MAP7: variants seen among roughly 807,000 people sequenced by gnomAD.
MAP7 encodes microtubule associated protein 7.
MAP7 carries 52 observed loss-of-function variants against 94.8 expected under a neutral mutation model. That is an observed-to-expected ratio of 0.55 (90% confidence interval 0.44 to 0.69). The LOEUF is 0.69. MAP7 is among the 30% of genes least tolerant of loss of function. The pLI is 0.00. For missense variants in MAP7, 940 were observed against 964.6 expected, an observed-to-expected ratio of 0.97 and a Z score of 0.34; for synonymous variants, 350 against 357.0, an observed-to-expected ratio of 0.98 and a Z score of 0.22.
At chr6:136,531,945 A>C (rs532397951) in intron 1 of MAP7, among the ~76,000 whole-genome samples, 15 of 152,314 alleles carry the variant, frequency 9.8e-5, no homozygotes, top group Admixed American at 8.5e-4. Context: ...CTCAGGTCCA[A>C]AATGATCTCA....
rs527529168 is a variant in MAP7, at chr6:136,426,681, C to T, written c.68-4882G>A. On this transcript the variant is annotated intron_variant, in intron 1 of 17. Coordinates refer to ENST00000354570, the MANE Select transcript of MAP7 (RefSeq NM_003980.6). ...GAGCAAAACTACCAAGGCAAAGAGGCAGGAGAGACAATCAGGACTGTCTGG... is the reference window on the plus strand; with the variant it reads ...GAGCAAAACTACCAAGGCAAAGAGGTAGGAGAGACAATCAGGACTGTCTGG... Among the ~76,000 whole-genome samples the T allele has an allele frequency of 2.6e-5, 4 of 152,252 alleles. No individual in the cohort carries two copies. The South Asian group carries it at 8.3e-4, about 32-fold the overall frequency.
intron 1 of MAP7, among the ~76,000 whole-genome samples, chr6:136,431,793 C>G (rs912658429): frequency 5.3e-5 from 8 of 152,180 alleles, no homozygotes; most frequent in Non-Finnish European, 1.2e-4. Context: ...GATGGGATTA[C>G]AGGCGTGAGC....
At chr6:136,495,804 C>T (rs995828001) in intron 1 of MAP7, among the ~76,000 whole-genome samples, 1 of 152,138 alleles carries the variant, frequency 6.6e-6, no homozygotes, top group Non-Finnish European at 1.5e-5. Context: ...AGGGAAATAA[C>T]ATTTTCAAGT....
At chr6:136,390,189 A>G (rs1243166889) in intron 3 of MAP7, among the ~76,000 whole-genome samples, 2 of 152,224 alleles carry the variant, frequency 1.3e-5, no homozygotes, top group African/African-American at 4.8e-5. Flanking sequence ...CATTTTAGGA[A>G]AAGATATGCC....
intron 7 of MAP7, among the ~76,000 whole-genome samples, chr6:136,376,208 C>T (rs551335811): frequency 5.9e-5 from 9 of 152,252 alleles, no homozygotes; most frequent in African/African-American, 1.4e-4. Flanking sequence ...ATGCCATTCT[C>T]CTGCCTCAGC....
Position 136,388,386 on chromosome 6 carries a change from T to G in MAP7, c.526+7A>C, listed in dbSNP as rs1310957694. 1 of 1,604,532 alleles carries G rather than the reference T, an allele frequency of 6.2e-7. No homozygotes were observed. Among genetic ancestry groups the G allele is most frequent in the African/African-American group, 1.3e-5 (1 of 74,840 alleles). On this transcript the variant is annotated splice_region_variant and intron_variant, in intron 5 of 17. Transcript: ENST00000354570. ...AAAGACTAATTTTCAAAGTGGTCAC[T>G]GTTTACCTGCACTGTGGATGCTAGG... is the stretch of plus-strand genomic sequence containing the variant.
intron 6 of MAP7, among the ~76,000 whole-genome samples, chr6:136,381,521 T>C (rs1254154658): frequency 2.0e-5 from 3 of 152,080 alleles, no homozygotes; most frequent in Non-Finnish European, 4.4e-5. Flanking sequence ...AGAAGAAGTT[T>C]TAAAATTCTC....
At chr6:136,361,673 A>G (rs1374417861) in intron 11 of MAP7, among the ~76,000 whole-genome samples, 1 of 152,246 alleles carries the variant, frequency 6.6e-6, no homozygotes, top group African/African-American at 2.4e-5. Context: ...CCCAGGGTAC[A>G]GTTGTGTTCG....
chr6:136,383,498 C>G (rs570840080), intron 6 of MAP7, among the ~76,000 whole-genome samples, 173 bp downstream of exon 6: 1 of 152,290 alleles, frequency 6.6e-6, no homozygotes, highest in Non-Finnish European at 1.5e-5. Flanking sequence ...ATGTTCTTGT[C>G]GCAAGGAAAA....
rs1042644613 is a variant in MAP7 at position 136,496,778 on chromosome 6, A to T, written c.67+53564T>A. On this transcript the variant is annotated intron_variant, in intron 1 of 17. Transcript: ENST00000354570. ...AACAAGGTGAAACCCCGTCTCTACT[A>T]AAAAAAAAAAAAAAAAAAAAAAAAA... is the stretch of plus-strand genomic sequence containing the variant. 7.5e-5 allele frequency among the ~76,000 whole-genome samples: 5 copies of T among 66,898 alleles called. No homozygotes were observed. In the East Asian group the frequency reaches 1.8e-3, roughly 24 times the overall value. The allele number at this position is 66,898 out of a possible 152,430, so 43.9% of individuals were successfully genotyped here. A position where few individuals can be genotyped will look rare whatever the true frequency, so the allele number is the denominator to read the frequency against.
chr6:136,397,221 T>C (rs1253948369), intron 3 of MAP7, among the ~76,000 whole-genome samples: 2 of 152,112 alleles, frequency 1.3e-5, no homozygotes, highest in Non-Finnish European at 2.9e-5. Context: ...AGTATTTCAA[T>C]ATTTTAATAA....
chr6:136,460,133 T>G (rs1292852787), intron 1 of MAP7, among the ~76,000 whole-genome samples: 1 of 151,992 alleles, frequency 6.6e-6, no homozygotes, highest in Non-Finnish European at 1.5e-5. Context: ...TAAAGTAACA[T>G]GTGTAACTGT....
rs1015387430 is a variant in MAP7, at chr6:136,550,168, G to T, written c.67+174C>A. 6.6e-6 allele frequency among the ~76,000 whole-genome samples: 1 copy of T among 150,712 alleles called. No individual in the cohort carries two copies. Among genetic ancestry groups the T allele is most frequent in the East Asian group, 2.0e-4 (1 of 5,118 alleles). ...TGGCCGAGCCGCGGCGGCGAAGGGC[G>T]GGGGAAGGCGCTCTCGGAGCAGGGT... On this transcript the variant is annotated intron_variant, in intron 1 of 17. Transcript: ENST00000354570. This position sits in a 1 kb window ranked among gnomAD's most constrained non-coding sequence, Gnocchi z 5.1.
chr6:136,391,555 AAACAACAACAACAAC>A (rs58864802), intron 3 of MAP7, among the ~76,000 whole-genome samples: 38 of 149,642 alleles, frequency 2.5e-4, no homozygotes, highest in African/African-American at 9.1e-4. Flanking sequence ...GTATAATAAA[AAACAACAACAACAAC>A]AACAACAACA....
At chr6:136,518,585 T>C (rs752580742) in intron 1 of MAP7, among the ~76,000 whole-genome samples, 5 of 152,152 alleles carry the variant, frequency 3.3e-5, no homozygotes, top group African/African-American at 4.8e-5. Context: ...CAACATAAAG[T>C]GGGCTTTTCC....
At chr6:136,462,984 C>A (rs1231362202) in intron 1 of MAP7, among the ~76,000 whole-genome samples, 2 of 150,570 alleles carry the variant, frequency 1.3e-5, no homozygotes, top group African/African-American at 2.4e-5. Context: ...AACAAAAAAC[C>A]CTTTAATTTT....
rs191777787 is a variant in MAP7, at chr6:136,479,847, G to A, written c.68-58048C>T. ...AAAACACTGATGCCAGAAATCGAAG[G>A]GGACACACAAAAAAAGAAAGATTGG... On this transcript the variant is annotated intron_variant, in intron 1 of 17. Transcript: ENST00000354570. Among the ~76,000 whole-genome samples, 19 of 151,890 alleles carry A rather than the reference G, an allele frequency of 1.3e-4. No homozygotes were observed. The East Asian group carries it at 2.5e-3, about 20-fold the overall frequency.
intron 6 of MAP7, among the ~76,000 whole-genome samples, chr6:136,383,441 T>A (rs1320737544): frequency 6.6e-6 from 1 of 152,238 alleles, no homozygotes; most frequent in Non-Finnish European, 1.5e-5. Context: ...AAGCACCGCT[T>A]TCGTCACTGC....
chr6:136,411,556 A>C, intron 3 of MAP7, 64 bp downstream of exon 3: 1 of 1,399,450 alleles, frequency 7.1e-7, no homozygotes, highest in Non-Finnish European at 9.8e-7. Context: ...AAGGTATGCA[A>C]AAGACCACGG....
Sources: allele counts gnomAD v4.1 joint callset (sites outside exome capture counted in the v4.1 genomes callset), GRCh38; gene constraint gnomAD v4.1.1; non-coding constraint Gnocchi (gnomAD v3.1); transcripts MANE v1.5; gene names NCBI Gene and HGNC (gene_info 2026-07-23, HGNC 2026-07-21).